Variants in PARD3 observed in about 807,000 individuals in gnomAD.
PARD3 encodes the protein partitioning defective 3 homolog.
Under a neutral mutation model 155.4 loss-of-function variants are expected in PARD3, and 75 were observed. The ratio of observed to expected loss-of-function variants is 0.48; its 90% CI spans 0.40 to 0.58. The LOEUF is 0.58. Among genes scored for constraint, PARD3 ranks in the 20% least tolerant of loss-of-function variants. The pLI is 0.00. For synonymous variants in PARD3, 576 were observed against 610.5 expected, an observed-to-expected ratio of 0.94 and a Z score of 0.83; for missense variants, 1,642 against 1,721.7, an observed-to-expected ratio of 0.95 and a Z score of 0.82.
chr10:34,206,200 G>C (rs1951473094), intron 22 of PARD3, among the ~76,000 whole-genome samples: 1 of 152,214 alleles, frequency 6.6e-6, no homozygotes, highest in Non-Finnish European at 1.5e-5. Context: ...TGGGCCAGGA[G>C]GAACAAGAAC....
intron 3 of PARD3, among the ~76,000 whole-genome samples, chr10:34,479,473 T>A (rs969987754): frequency 6.6e-6 from 1 of 152,200 alleles, no homozygotes; most frequent in South Asian, 2.1e-4. Context: ...AGCCTTTAAA[T>A]TTTTTTTAAA....
At chr10:34,523,488 G>A (rs969693706) in intron 2 of PARD3, among the ~76,000 whole-genome samples, 2 of 152,170 alleles carry the variant, frequency 1.3e-5, no homozygotes, top group Admixed American at 6.5e-5. Context: ...ACATGTTGGA[G>A]AATACTAGAA....
chr10:34,399,639 G>C (rs1264172459), intron 6 of PARD3, among the ~76,000 whole-genome samples: 2 of 152,166 alleles, frequency 1.3e-5, no homozygotes, highest in Admixed American at 1.3e-4. Context: ...CTAGTCTGAT[G>C]GCATGGAGGG....
chr10:34,268,144 C>T (rs1429465778), intron 22 of PARD3, among the ~76,000 whole-genome samples: 3 of 79,276 alleles, frequency 3.8e-5, no homozygotes, highest in East Asian at 2.4e-4. Context: ...GGGAAAAGAT[C>T]GTTTAAAAAT....
At chr10:34,774,705 T>C (rs1400861787) in intron 1 of PARD3, among the ~76,000 whole-genome samples, 1 of 144,680 alleles carries the variant, frequency 6.9e-6, no homozygotes, top group Non-Finnish European at 1.5e-5. Flanking sequence ...ACACTGATCT[T>C]ATACCAATAA....
At position 34,476,328 on chromosome 10, in the gene PARD3, C is replaced by T. The variant is rs138133737; in HGVS notation, c.404-6065G>A. On this transcript the variant is annotated intron_variant, in intron 3 of 24. Transcript: ENST00000374788. The stretch of plus-strand genomic sequence containing the variant: ...CTGCGAGTGTGTGGGGTAAAGAATA[C>T]ATTTGGTGCCACCGTCTTGATTTGT... Among the ~76,000 whole-genome samples the T allele has an allele frequency of 5.9e-3, 901 of 152,244 alleles. 9 individuals are homozygous for T. The highest frequency in any genetic ancestry group is 0.021 in the African/African-American group (865 of 41,526).
At chr10:34,517,700 C>CCA (rs948501670) in intron 2 of PARD3, among the ~76,000 whole-genome samples, 1 of 151,798 alleles carries the variant, frequency 6.6e-6, no homozygotes, top group Non-Finnish European at 1.5e-5. Flanking sequence ...TACACGCCCC[C>CCA]CACACACACA....
At chr10:34,248,343 T>C (rs530620417) in intron 22 of PARD3, among the ~76,000 whole-genome samples, 2 of 152,350 alleles carry the variant, frequency 1.3e-5, no homozygotes, top group South Asian at 4.1e-4. Context: ...AAACTGGTGG[T>C]GTTATTTAAG....
chr10:34,275,836 T>C (rs1329464808), intron 21 of PARD3, among the ~76,000 whole-genome samples: 1 of 152,160 alleles, frequency 6.6e-6, no homozygotes, highest in East Asian at 1.9e-4. Context: ...CTTTACTCTT[T>C]TATTGTGACC....
intron 1 of PARD3, among the ~76,000 whole-genome samples, chr10:34,762,310 G>A (rs912995299): frequency 6.6e-6 from 1 of 151,484 alleles, no homozygotes; most frequent in African/African-American, 2.4e-5. Context: ...GAGAGAGAGA[G>A]AGAGATGGGG....
intron 5 of PARD3, among the ~76,000 whole-genome samples, chr10:34,421,646 C>A (rs1846199623): frequency 6.6e-6 from 1 of 152,066 alleles, no homozygotes; most frequent in South Asian, 2.1e-4. Context: ...AGAATTCCCA[C>A]CCTGAATCAT....
intron 23 of PARD3, among the ~76,000 whole-genome samples, chr10:34,120,816 A>G (rs1946953947): frequency 6.6e-6 from 1 of 152,218 alleles, no homozygotes; most frequent in Non-Finnish European, 1.5e-5. Context: ...CAATCCTTCT[A>G]ACTAAATACT....
chr10:34,483,414 C>T (rs2079221017), intron 3 of PARD3, among the ~76,000 whole-genome samples: 1 of 143,034 alleles, frequency 7.0e-6, no homozygotes, highest in Non-Finnish European at 1.5e-5. Flanking sequence ...CCTGGGAGGT[C>T]ATGGCTGCAG....
At chr10:34,199,273 T>C (rs1951097960) in intron 22 of PARD3, among the ~76,000 whole-genome samples, 1 of 152,188 alleles carries the variant, frequency 6.6e-6, no homozygotes, top group Non-Finnish European at 1.5e-5. Flanking sequence ...CCTGTCTCCT[T>C]GTCAGTCAAT....
At chr10:34,617,484 T>C (rs550099868) in intron 2 of PARD3, among the ~76,000 whole-genome samples, 2 of 152,310 alleles carry the variant, frequency 1.3e-5, no homozygotes, top group Non-Finnish European at 2.9e-5. Context: ...AAATTTTTAA[T>C]GTTCCCAATA....
chr10:34,208,821 T>G (rs1951603342), intron 22 of PARD3, among the ~76,000 whole-genome samples: 1 of 152,120 alleles, frequency 6.6e-6, no homozygotes, highest in Non-Finnish European at 1.5e-5. Context: ...TTTCAGACAT[T>G]TAACAATCGA....
chr10:34,246,626 C>T lies in PARD3; in HGVS notation c.3419+23031G>A, dbSNP rs79321248. On this transcript the variant is annotated intron_variant, in intron 22 of 24. Coordinates refer to ENST00000374788, the MANE Select transcript of PARD3 (RefSeq NM_001184785.2). ...TTCAGTCTTTGATTCCCACCCTGGG[C>T]ATGAGTAAGGGAAAATCCTATAAGC... 5.5e-3 allele frequency among the ~76,000 whole-genome samples: 823 copies of T among 149,954 alleles called. 18 individuals carry two copies. The highest frequency in any genetic ancestry group is 0.02 in the African/African-American group (785 of 39,368).
chr10:34,573,764 C>G (rs939100973), intron 2 of PARD3, among the ~76,000 whole-genome samples: 2 of 151,574 alleles, frequency 1.3e-5, no homozygotes, highest in Non-Finnish European at 2.9e-5. Flanking sequence ...CACACACACA[C>G]ACACACACAC....
At chr10:34,426,440 G>C (rs2075609453) in intron 5 of PARD3, among the ~76,000 whole-genome samples, 1 of 152,132 alleles carries the variant, frequency 6.6e-6, no homozygotes, top group African/African-American at 2.4e-5. Flanking sequence ...TCCTTTTGGA[G>C]AATGGTATTT....
Sources: gnomAD v4.1 joint callset for allele counts (sites outside exome capture counted in the v4.1 genomes callset) on GRCh38, gnomAD v4.1.1 for gene constraint, MANE v1.5 for transcripts, NCBI Gene and HGNC (gene_info 2026-07-23, HGNC 2026-07-21) for gene names.